PTPRG: variants seen among roughly 807,000 people sequenced by gnomAD.
PTPRG encodes receptor-type tyrosine-protein phosphatase gamma.
PTPRG carries 102 observed loss-of-function variants against 165.3 expected under a neutral mutation model. The observed-to-expected ratio is 0.62, with a 90% CI of 0.53 to 0.73. The LOEUF is 0.73. Ranked by LOEUF, PTPRG falls within the 30% of genes least tolerant of loss-of-function variation. PTPRG has a pLI of 0.00. For synonymous variants in PTPRG, 675 were observed against 669.5 expected (o/e 1.01, Z -0.13); for missense variants, 1,866 against 1,861.4 (o/e 1.00, Z -0.05).
intron 2 of PTPRG, among the ~76,000 whole-genome samples, chr3:61,787,100 G>A (rs1395185616): frequency 6.6e-6 from 1 of 151,602 alleles, no homozygotes; most frequent in Non-Finnish European, 1.5e-5. Flanking sequence ...AATCCTTTGT[G>A]TGCCAAAAAA....
intron 2 of PTPRG, among the ~76,000 whole-genome samples, chr3:61,987,807 A>C (rs2040797736): frequency 6.6e-6 from 1 of 152,172 alleles, no homozygotes; most frequent in Admixed American, 6.5e-5. Flanking sequence ...AGCTGTAGAC[A>C]GGATAATTAG....
At position 61,659,619 on chromosome 3, in the gene PTPRG, A is replaced by G. The variant is rs575807697; in HGVS notation, c.86-89259A>G. Reference sequence around the variant, plus strand: ...AAGAGTGTATTAGATTCCATGTGGTATACCCAGTAGATTGCATTTTGAGTG... The same window carrying G: ...AAGAGTGTATTAGATTCCATGTGGTGTACCCAGTAGATTGCATTTTGAGTG... On this transcript the variant is annotated intron_variant, in intron 1 of 29. Coordinates refer to ENST00000474889, the MANE Select transcript of PTPRG (RefSeq NM_002841.4). Among the ~76,000 whole-genome samples, 4 of 152,306 alleles carry G rather than the reference A, an allele frequency of 2.6e-5. No homozygotes were observed. The South Asian group carries it at 6.2e-4, about 24-fold the overall frequency.
chr3:61,697,826 T>A (rs2030695515), intron 1 of PTPRG, among the ~76,000 whole-genome samples: 1 of 152,200 alleles, frequency 6.6e-6, no homozygotes, highest in Admixed American at 6.5e-5. Context: ...AGTCTCATAT[T>A]TTGCATGACT....
chr3:62,101,171 A>G (rs1372507896), intron 5 of PTPRG, among the ~76,000 whole-genome samples: 1 of 152,230 alleles, frequency 6.6e-6, no homozygotes, highest in Non-Finnish European at 1.5e-5. Context: ...AGTTCATTAC[A>G]CTTATTCTTT....
intron 17 of PTPRG, chr3:62,263,621 C>G (rs1350167047): frequency 6.6e-6 from 1 of 152,212 alleles, no homozygotes; most frequent in East Asian, 1.9e-4. Flanking sequence ...GAATTGTATA[C>G]AATAGTGCAT....
intron 8 of PTPRG, 66 bp downstream of exon 8, chr3:62,168,229 G>C: frequency 7.0e-7 from 1 of 1,435,704 alleles, no homozygotes; most frequent in Non-Finnish European, 9.4e-7. Context: ...TAAATTAAAA[G>C]GAATTCAAAG....
chr3:61,891,451 G>A (rs1026537737), intron 2 of PTPRG, among the ~76,000 whole-genome samples: 7 of 152,246 alleles, frequency 4.6e-5, no homozygotes, highest in African/African-American at 1.7e-4. Context: ...TTTTCTATGT[G>A]TAAACCATTT....
rs533590753 is a variant in PTPRG at position 62,296,851 on chromosome 3, C to G, written c.*3544C>G. 2.0e-5 allele frequency: 3 copies of G among 151,892 alleles called. No homozygotes were observed. Among genetic ancestry groups the G allele is most frequent in the Non-Finnish European group, 2.9e-5 (2 of 67,936 alleles). 9.4% of individuals were successfully genotyped at this position (151,892 alleles called of 1,614,324 possible). On this transcript the variant is annotated 3_prime_UTR_variant, in exon 30 of 30. Coordinates refer to ENST00000474889, the MANE Select transcript of PTPRG (RefSeq NM_002841.4). ...TTTTAGTATTTTTGTTAAATATTTGCAAAGGGAAGCATTTTCTACAGAGGA... is the reference window on the plus strand; with the variant it reads ...TTTTAGTATTTTTGTTAAATATTTGGAAAGGGAAGCATTTTCTACAGAGGA...
rs141981166 is a variant in PTPRG, at chr3:62,123,073, A to T, written c.616-9529A>T. ...TACTACAAACTCAGCAGCTTAAAAT[A>T]ACACACATTTATCATCTCAGTTTCT... is the stretch of plus-strand genomic sequence containing the variant. On this transcript the variant is annotated intron_variant, in intron 5 of 29. Coordinates refer to ENST00000474889, the MANE Select transcript of PTPRG (RefSeq NM_002841.4). 2.0e-3 allele frequency among the ~76,000 whole-genome samples: 301 copies of T among 152,342 alleles called. 2 individuals carry two copies. The highest frequency in any genetic ancestry group is 6.4e-3 in the African/African-American group (268 of 41,566).
intron 2 of PTPRG, among the ~76,000 whole-genome samples, chr3:61,889,863 G>A (rs1032801996): frequency 6.6e-6 from 1 of 152,034 alleles, no homozygotes; most frequent in South Asian, 2.1e-4. Context: ...GCCAATATTC[G>A]TAATCTGGAT....
chr3:61,950,211 T>C (rs1388567781), intron 2 of PTPRG, among the ~76,000 whole-genome samples: 1 of 152,088 alleles, frequency 6.6e-6, no homozygotes, highest in Non-Finnish European at 1.5e-5. Context: ...TGAATTCTTT[T>C]GTCTTTCCTC....
chr3:61,831,553 GC>G (rs1442349076), intron 2 of PTPRG, among the ~76,000 whole-genome samples: 1 of 152,032 alleles, frequency 6.6e-6, no homozygotes, highest in Non-Finnish European at 1.5e-5. Context: ...GCAGACTCAA[GC>G]CACCATTCAT....
At chr3:61,609,444 A>G (rs1382951629) in intron 1 of PTPRG, among the ~76,000 whole-genome samples, 1 of 152,208 alleles carries the variant, frequency 6.6e-6, no homozygotes, top group Non-Finnish European at 1.5e-5. Context: ...GCTGAGTTGT[A>G]TGTGGTATCA....
Position 62,273,770 on chromosome 3 carries a change from C to G in PTPRG, c.3391C>G (p.Gln1131Glu). 1 of 1,613,620 alleles carries G rather than the reference C, an allele frequency of 6.2e-7. No homozygotes were observed. Among genetic ancestry groups the G allele is most frequent in the South Asian group, 1.1e-5 (1 of 91,058 alleles). ...LGKETEVSSN[Q>E]LHSYVNSILI... ...AAAGGAGACTGAAGTATCTTCAAAT[C>G]AGCTGCACAGCTATGTTAACAGCAT... The change falls in exon 23 of 30, where the codon CAG (glutamine) becomes GAG (glutamate). Residue 1131 changes from glutamine to glutamate, a missense_variant. Gln to Glu is a conservative substitution (Grantham distance 29, BLOSUM62 2). Around this residue, in one of 3 missense-constraint regions of PTPRG, gnomAD observed 1,452 missense variants for 1,463.0 expected, o/e 0.99. Transcript: ENST00000474889. This position sits in a 1 kb window ranked among gnomAD's most constrained non-coding sequence, Gnocchi z 4.1.
At chr3:61,634,918 C>G (rs947756853) in intron 1 of PTPRG, among the ~76,000 whole-genome samples, 2 of 152,188 alleles carry the variant, frequency 1.3e-5, no homozygotes, top group Non-Finnish European at 2.9e-5. Flanking sequence ...TGATATAGTT[C>G]AGACCTTGGC....
rs892877392 is a variant in PTPRG at position 62,125,698 on chromosome 3, T to A, written c.616-6904T>A. Among the ~76,000 whole-genome samples, 50 of 150,718 alleles carry A rather than the reference T, an allele frequency of 3.3e-4. 2 individuals are homozygous for A. The highest frequency in any genetic ancestry group is 2.4e-3 in the Admixed American group (36 of 15,162). On this transcript the variant is annotated intron_variant, in intron 5 of 29. Transcript: ENST00000474889. ...CTCATACCTTTTTTTTTTTTTTTTT[T>A]AAATTCAAACGTCATGACAATATCT... is the stretch of plus-strand genomic sequence containing the variant.
rs189246307 is a variant in PTPRG, at chr3:61,755,123, T to C, written c.190+6141T>C. 3.2e-3 allele frequency among the ~76,000 whole-genome samples: 484 copies of C among 152,286 alleles called. 1 individual carries two copies. Among genetic ancestry groups the C allele is most frequent in the African/African-American group, 0.011 (462 of 41,562 alleles). On this transcript the variant is annotated intron_variant, in intron 2 of 29. Coordinates refer to ENST00000474889, the MANE Select transcript of PTPRG (RefSeq NM_002841.4). ...CCTGGGTTCAAGCTATTCTCCTGCCTGCACCTCCTGAGTGTCTGGGATTAC... is the reference window on the plus strand; with the variant it reads ...CCTGGGTTCAAGCTATTCTCCTGCCCGCACCTCCTGAGTGTCTGGGATTAC...
chr3:61,995,279 G>C (rs912417577), intron 3 of PTPRG, among the ~76,000 whole-genome samples: 2 of 151,880 alleles, frequency 1.3e-5, no homozygotes, highest in Non-Finnish European at 2.9e-5. Flanking sequence ...AGTAGAAACA[G>C]GGTTTCTCCA....
At chr3:61,908,683 A>G (rs1447848489) in intron 2 of PTPRG, among the ~76,000 whole-genome samples, 1 of 152,206 alleles carries the variant, frequency 6.6e-6, no homozygotes, top group East Asian at 1.9e-4. Context: ...AATTAATTTG[A>G]TTTTATGTGC....
Sources: gnomAD v4.1 joint callset for allele counts (sites outside exome capture counted in the v4.1 genomes callset) on GRCh38, gnomAD v4.1.1 for gene constraint, gnomAD v4.1.1 regional missense constraint, Gnocchi (gnomAD v3.1) non-coding constraint, MANE v1.5 for transcripts, NCBI Gene and HGNC (gene_info 2026-07-23, HGNC 2026-07-21) for gene names.